The following CHMP3 variants were observed in gnomAD, a reference collection of about 807,000 sequenced individuals.
CHMP3 encodes charged multivesicular body protein 3.
In CHMP3, 8 loss-of-function variants were observed where a neutral mutation model predicts 27.4. The ratio of observed to expected loss-of-function variants is 0.29; its 90% CI spans 0.17 to 0.53. The LOEUF is 0.53. Ranked by LOEUF, CHMP3 falls within the 20% of genes least tolerant of loss-of-function variation. CHMP3 has a pLI of 0.96. For missense variants in CHMP3, 208 were observed against 271.5 expected, an observed-to-expected ratio of 0.77 and a Z score of 1.64; for synonymous variants, 86 against 85.5, an observed-to-expected ratio of 1.01 and a Z score of -0.03.
intron 2 of CHMP3, among the ~76,000 whole-genome samples, chr2:86,541,807 C>T (rs1676372439): frequency 6.6e-6 from 1 of 152,120 alleles, no homozygotes. Flanking sequence ...TAACTCTTCT[C>T]CAATCATGAA....
intron 1 of CHMP3, among the ~76,000 whole-genome samples, chr2:86,561,410 A>C (rs571377257): frequency 6.6e-6 from 1 of 152,314 alleles, no homozygotes; most frequent in African/African-American, 2.4e-5. Flanking sequence ...TTCACTCTAC[A>C]ATCTTGCTAC....
chr2:86,506,553 T>A (rs945043941), intron 5 of CHMP3, among the ~76,000 whole-genome samples: 2 of 151,916 alleles, frequency 1.3e-5, no homozygotes. Flanking sequence ...ATACCATCTA[T>A]CACAATATAT....
intron 2 of CHMP3, among the ~76,000 whole-genome samples, chr2:86,539,904 C>A (rs1676295556): frequency 6.6e-6 from 1 of 151,984 alleles, no homozygotes; most frequent in Non-Finnish European, 1.5e-5. Context: ...GCAACAAATT[C>A]TTTCTGGCTT....
intron 3 of CHMP3, among the ~76,000 whole-genome samples, chr2:86,518,689 T>G (rs530071188): frequency 6.6e-6 from 1 of 151,988 alleles, no homozygotes; most frequent in Non-Finnish European, 1.5e-5. Flanking sequence ...GCCCACTAGA[T>G]GCCAGTAGCA....
chr2:86,547,492 T>C (rs1453173680), intron 1 of CHMP3, among the ~76,000 whole-genome samples: 1 of 152,108 alleles, frequency 6.6e-6, no homozygotes, highest in East Asian at 1.9e-4. Flanking sequence ...TCCAGTCATG[T>C]CTCCGACCAG....
At chr2:86,516,382 A>G (rs1487415342) in intron 3 of CHMP3, among the ~76,000 whole-genome samples, 2 of 152,236 alleles carry the variant, frequency 1.3e-5, no homozygotes, top group African/African-American at 4.8e-5. Context: ...TCATTTCACC[A>G]AAGAGGAGAT....
At chr2:86,554,808 T>TGC (rs1314999322) in intron 1 of CHMP3, among the ~76,000 whole-genome samples, 1 of 101,194 alleles carries the variant, frequency 9.9e-6, no homozygotes, top group African/African-American at 3.5e-5. Flanking sequence ...AATAAATGTG[T>TGC]GTGCGCGCGT....
At chr2:86,556,775 T>G (rs1185543895) in intron 1 of CHMP3, among the ~76,000 whole-genome samples, 1 of 152,168 alleles carries the variant, frequency 6.6e-6, no homozygotes, top group Non-Finnish European at 1.5e-5. Context: ...GGGCCGCGGT[T>G]GCTACAACAC....
At chr2:86,527,968 C>A (rs1675779789) in intron 3 of CHMP3, among the ~76,000 whole-genome samples, 2 of 151,668 alleles carry the variant, frequency 1.3e-5, no homozygotes, top group African/African-American at 4.8e-5. Flanking sequence ...CTCAAAAAAA[C>A]AAAAATAAAT....
At chr2:86,531,559 T>C (rs2103951898) in intron 2 of CHMP3, among the ~76,000 whole-genome samples, 1 of 152,244 alleles carries the variant, frequency 6.6e-6, no homozygotes, top group South Asian at 2.1e-4. Context: ...AGTTGTGAAG[T>C]TTTACTCTGT....
intron 1 of CHMP3, among the ~76,000 whole-genome samples, chr2:86,549,751 C>G (rs1234830115): frequency 2.1e-5 from 3 of 145,922 alleles, no homozygotes; most frequent in South Asian, 2.2e-4. Flanking sequence ...GCAGACGGGG[C>G]GGCCAGGCAG....
At chr2:86,507,960 T>C (rs990903510) in intron 4 of CHMP3, among the ~76,000 whole-genome samples, 1 of 152,076 alleles carries the variant, frequency 6.6e-6, no homozygotes, top group Non-Finnish European at 1.5e-5. Context: ...GCAAATATAA[T>C]CCGTGAACGC....
intron 1 of CHMP3, 88 bp downstream of exon 1, chr2:86,563,216 G>A: frequency 1.3e-6 from 2 of 1,488,756 alleles, no homozygotes; most frequent in South Asian, 1.2e-5. Context: ...TCGGGCAGGC[G>A]GTGGGGAGAA....
intron 3 of CHMP3, among the ~76,000 whole-genome samples, chr2:86,526,121 G>A (rs539321116): frequency 6.6e-6 from 1 of 152,320 alleles, no homozygotes; most frequent in Non-Finnish European, 1.5e-5. Flanking sequence ...TGTTATGGGT[G>A]TACATTTAAA....
rs537687800 is a variant in CHMP3, at chr2:86,507,312, T to C, written c.523+167A>G. 6.8e-6 allele frequency: 4 copies of C among 591,410 alleles called. No homozygotes were observed. In the South Asian group the frequency reaches 8.6e-5, roughly 13 times the overall value. 36.6% of individuals were successfully genotyped at this position (591,410 alleles called of 1,614,324 possible). On this transcript the variant is annotated intron_variant, in intron 5 of 5. Transcript: ENST00000263856. ...TTTAAGAATTGTGTTTTTTAAAAGA[T>C]GGTTATAGATATTGTGCTTACTTTT...
At chr2:86,553,972 G>A (rs940135629) in intron 1 of CHMP3, among the ~76,000 whole-genome samples, 2 of 152,196 alleles carry the variant, frequency 1.3e-5, no homozygotes, top group African/African-American at 4.8e-5. Flanking sequence ...CCCCAAATTC[G>A]TATGTTGAAA....
intron 2 of CHMP3, among the ~76,000 whole-genome samples, chr2:86,538,406 T>C (rs1395185710): frequency 6.6e-6 from 1 of 152,138 alleles, no homozygotes; most frequent in African/African-American, 2.4e-5. Context: ...CACTTAAAAA[T>C]GGTTAAGATG....
At chr2:86,508,539 A>T (rs1674973991) in intron 4 of CHMP3, among the ~76,000 whole-genome samples, 1 of 151,074 alleles carries the variant, frequency 6.6e-6, no homozygotes, top group Non-Finnish European at 1.5e-5. Flanking sequence ...AAGTTGCTAG[A>T]AAAAGAAAAT....
intron 3 of CHMP3, among the ~76,000 whole-genome samples, chr2:86,520,639 T>C (rs1394201066): frequency 6.6e-6 from 1 of 152,228 alleles, no homozygotes; most frequent in Admixed American, 6.5e-5. Flanking sequence ...AAATGTGTTT[T>C]GATTCAACAA....
Sources: gnomAD v4.1 joint callset for allele counts (sites outside exome capture counted in the v4.1 genomes callset) on GRCh38, gnomAD v4.1.1 for gene constraint, MANE v1.5 for transcripts, NCBI Gene and HGNC (gene_info 2026-07-23, HGNC 2026-07-21) for gene names.